GABRA3: variants seen among roughly 807,000 people sequenced by gnomAD.
GABRA3 encodes gamma-aminobutyric acid receptor subunit alpha-3.
Under a neutral mutation model 30.1 loss-of-function variants are expected in GABRA3, and 10 were observed. That is an observed-to-expected ratio of 0.33 (90% confidence interval 0.20 to 0.56). The LOEUF (loss-of-function observed/expected upper bound fraction) is 0.56. GABRA3 is among the 20% of genes least tolerant of loss of function. GABRA3 has a pLI of 0.89. For synonymous variants in GABRA3, 151 were observed against 146.8 expected (o/e 1.03, Z -0.21); for missense variants, 233 against 392.0 (o/e 0.59, Z 3.42).
Position 152,186,599 on chromosome X carries a change from A to ATC in GABRA3, c.1143+3129_1143+3130dup, listed in dbSNP as rs765821292. Among the ~76,000 whole-genome samples, 21 of 96,340 alleles carry ATC rather than the reference A, an allele frequency of 2.2e-4. 1 individual carries two copies. Among genetic ancestry groups the ATC allele is most frequent in the East Asian group, 2.0e-3 (6 of 3,050 alleles). The allele number at this position is 96,340 out of a possible 115,157, so 83.7% of individuals were successfully genotyped here. On this transcript the variant is annotated intron_variant, in intron 9 of 9. Coordinates refer to ENST00000370314, the MANE Select transcript of GABRA3 (RefSeq NM_000808.4). ...CCTCCCTCCCTTCCTTCCTTCCTTT[A>ATC]TCTCTCTCTCTCTCTCTTCTCTCTC...
chrX:152,377,368 AT>A (rs1929026110), intron 1 of GABRA3, among the ~76,000 whole-genome samples: 1 of 111,620 alleles, frequency 9.0e-6, no homozygotes, highest in South Asian at 3.7e-4. Context: ...TCGGGTGTTA[AT>A]GTAAATTAAC....
At chrX:152,416,956 T>C (rs1341490937) in intron 1 of GABRA3, among the ~76,000 whole-genome samples, 2 of 105,394 alleles carry the variant, frequency 1.9e-5, no homozygotes, top group African/African-American at 7.0e-5. Flanking sequence ...ATTCAGGACA[T>C]AGGCATGGGC....
chrX:152,338,208 T>G (rs1940262412), intron 3 of GABRA3, among the ~76,000 whole-genome samples: 2 of 111,762 alleles, frequency 1.8e-5, no homozygotes, highest in South Asian at 7.5e-4. Context: ...TTGTCCAACT[T>G]TTGGGTAACA....
intron 6 of GABRA3, among the ~76,000 whole-genome samples, chrX:152,219,837 T>C (rs1278238704): frequency 1.1e-5 from 1 of 89,809 alleles, no homozygotes. Context: ...TAAAGCACTA[T>C]ATACTATACA....
At chrX:152,201,100 G>A (rs1285996390) in intron 7 of GABRA3, among the ~76,000 whole-genome samples, 1 of 112,433 alleles carries the variant, frequency 8.9e-6, no homozygotes, top group African/African-American at 3.2e-5. Flanking sequence ...ATTTCTATGG[G>A]TGGAACTTAC....
chrX:152,418,759 A>G (rs1930299202), intron 1 of GABRA3, among the ~76,000 whole-genome samples: 1 of 111,911 alleles, frequency 8.9e-6, no homozygotes, highest in South Asian at 3.7e-4. Context: ...TAGAGCTAGA[A>G]ATACCATTTG....
At chrX:152,306,483 A>G (rs953249989) in intron 3 of GABRA3, among the ~76,000 whole-genome samples, 3 of 112,048 alleles carry the variant, frequency 2.7e-5, no homozygotes, top group African/African-American at 6.5e-5. Context: ...TCTCCAGTAA[A>G]GACTACTTTG....
At chrX:152,241,761 C>T (rs1296140527) in intron 5 of GABRA3, among the ~76,000 whole-genome samples, 1 of 109,667 alleles carries the variant, frequency 9.1e-6, no homozygotes, top group African/African-American at 3.3e-5. Context: ...GGGAGTGACC[C>T]GATTTTCCAG....
intron 3 of GABRA3, among the ~76,000 whole-genome samples, chrX:152,320,964 A>T (rs1939954888): frequency 9.0e-6 from 1 of 111,428 alleles, no homozygotes; most frequent in Admixed American, 9.5e-5. Context: ...ATAAACAAAA[A>T]ACATTTTTTT....
intron 9 of GABRA3, among the ~76,000 whole-genome samples, chrX:152,169,089 C>T: frequency 8.9e-6 from 1 of 112,337 alleles, no homozygotes; most frequent in Non-Finnish European, 1.9e-5. Flanking sequence ...TCTAGGGCTA[C>T]ACTGTGCTGC....
chrX:152,168,513 G>T lies in GABRA3; in HGVS notation c.1194C>A (p.Ile398=). ...PAKKTSTTFN[I]VGTTYPINLA... The stretch of plus-strand genomic sequence containing the variant: ...GGTTGATGGGATAGGTGGTCCCCAC[G>T]ATGTTGAAGGTAGTGCTGGTTTTCT... The change falls in exon 10 of 10, where the codon ATC becomes ATA. Residue 398 remains isoleucine (I), a synonymous_variant. Coordinates refer to ENST00000370314, the MANE Select transcript of GABRA3 (RefSeq NM_000808.4). 1.7e-6 allele frequency: 2 copies of T among 1,211,191 alleles called. No homozygotes were observed. The highest frequency in any genetic ancestry group is 2.2e-6 in the Non-Finnish European group (2 of 894,933).
At chrX:152,275,184 ATAT>A (rs1311869846) in intron 4 of GABRA3, among the ~76,000 whole-genome samples, 2 of 76,360 alleles carry the variant, frequency 2.6e-5, no homozygotes, top group East Asian at 3.8e-4. Flanking sequence ...TATATATTTA[ATAT>A]TATATATATA....
Position 152,241,292 on chromosome X carries a change from C to T in GABRA3, c.551+14486G>A, listed in dbSNP as rs1219371097. On this transcript the variant is annotated intron_variant, in intron 5 of 9. Transcript: ENST00000370314. Reference sequence around the variant, plus strand: ...TCAGTGTGCCCCTGCTGGGGGGTGCCTCCCAGTTAGGCTGCTCAGGGGTCA... The same window carrying T: ...TCAGTGTGCCCCTGCTGGGGGGTGCTTCCCAGTTAGGCTGCTCAGGGGTCA... Among the ~76,000 whole-genome samples, 9 of 85,934 alleles carry T rather than the reference C, an allele frequency of 1.0e-4. No homozygotes were observed. In the South Asian group the frequency reaches 2.3e-3, roughly 22 times the overall value. The allele number at this position is 85,934 out of a possible 115,157, so 74.6% of individuals were successfully genotyped here.
At chrX:152,266,576 G>C (rs958842786) in intron 4 of GABRA3, among the ~76,000 whole-genome samples, 1 of 111,058 alleles carries the variant, frequency 9.0e-6, no homozygotes, top group Non-Finnish European at 1.9e-5. Flanking sequence ...AAATAAGGCA[G>C]AGAATTTACC....
At chrX:152,269,858 A>C (rs1938895874) in intron 4 of GABRA3, among the ~76,000 whole-genome samples, 1 of 112,175 alleles carries the variant, frequency 8.9e-6, no homozygotes, top group Non-Finnish European at 1.9e-5. Flanking sequence ...TGGATTGAAG[A>C]CTTAAATTTA....
At chrX:152,276,769 G>T (rs1434377121) in intron 4 of GABRA3, among the ~76,000 whole-genome samples, 4 of 108,440 alleles carry the variant, frequency 3.7e-5, no homozygotes, top group Non-Finnish European at 7.7e-5. Context: ...TGATACACAT[G>T]CTATGGATGA....
At chrX:152,200,466 G>C (rs766871517) in intron 7 of GABRA3, among the ~76,000 whole-genome samples, 1 of 111,210 alleles carries the variant, frequency 9.0e-6, no homozygotes, top group Non-Finnish European at 1.9e-5. Flanking sequence ...TACAACTTTG[G>C]AGTTCCCATC....
intron 3 of GABRA3, among the ~76,000 whole-genome samples, chrX:152,285,970 A>G (rs1430360862): frequency 1.9e-5 from 2 of 106,547 alleles, no homozygotes; most frequent in Non-Finnish European, 3.9e-5. Flanking sequence ...ACTTAGTACT[A>G]TAAATTTCAG....
At chrX:152,342,353 T>A (rs1184316868) in intron 3 of GABRA3, among the ~76,000 whole-genome samples, 5 of 112,223 alleles carry the variant, frequency 4.5e-5, no homozygotes, top group Non-Finnish European at 7.5e-5. Context: ...CAGAATCTTT[T>A]GACCAGTTTT....
Sources: gnomAD v4.1 joint callset for allele counts (sites outside exome capture counted in the v4.1 genomes callset) on GRCh38, gnomAD v4.1.1 for gene constraint, MANE v1.5 for transcripts, NCBI Gene and HGNC (gene_info 2026-07-23, HGNC 2026-07-21) for gene names.